The following MMP26 variants were observed in gnomAD, a reference collection of about 807,000 sequenced individuals.
The protein encoded by MMP26 is matrix metallopeptidase 26, also known as matrix metalloproteinase-26.
Under a neutral mutation model 31.0 loss-of-function variants are expected in MMP26, and 33 were observed. That is an observed-to-expected ratio of 1.06 (90% CI 0.81 to 1.42). The LOEUF (loss-of-function observed/expected upper bound fraction) is 1.42, where lower values mean the gene tolerates loss of function less well. Among genes scored for constraint, MMP26 ranks in the 40% most tolerant of loss-of-function variants. MMP26 has a pLI of 0.00. For missense variants in MMP26, 347 were observed against 316.1 expected (o/e 1.10, Z -0.74); for synonymous variants, 122 against 114.9 (o/e 1.06, Z -0.40).
At position 4,950,607 on chromosome 11, in the gene MMP26, T is replaced by C. The variant is rs1405779222; in HGVS notation, c.-144-37461T>C. Among the ~76,000 whole-genome samples, 2 of 122,320 alleles carry C rather than the reference T, an allele frequency of 1.6e-5. 1 individual carries two copies. Among genetic ancestry groups the C allele is most frequent in the African/African-American group, 5.5e-5 (2 of 36,362 alleles). The allele number at this position is 122,320 out of a possible 152,430, so 80.2% of individuals were successfully genotyped here. ...ATTATTTTATAACAATAGCACAGCA[T>C]GCTGAATATAGCTAATATTTGAGTC... On this transcript the variant is annotated intron_variant, in intron 2 of 7. Transcript: ENST00000380390.
chr11:4,768,241 C>A (rs950492854), intron 2 of MMP26, among the ~76,000 whole-genome samples: 3 of 152,192 alleles, frequency 2.0e-5, no homozygotes, highest in Non-Finnish European at 4.4e-5. Flanking sequence ...TCTCAAGTTC[C>A]CATTCCCTGT....
intron 2 of MMP26, among the ~76,000 whole-genome samples, chr11:4,893,359 A>T (rs1850656171): frequency 6.6e-6 from 1 of 152,172 alleles, no homozygotes; most frequent in Non-Finnish European, 1.5e-5. Context: ...GTCCAATAGG[A>T]GAAGACCACT....
chr11:4,725,779 G>A (rs1029764725), intron 1 of MMP26, among the ~76,000 whole-genome samples: 9 of 152,162 alleles, frequency 5.9e-5, no homozygotes, highest in African/African-American at 2.2e-4. Flanking sequence ...CTGAAGATCA[G>A]AAAAAGGGAG....
intron 2 of MMP26, chr11:4,876,577 T>C (rs142467026): frequency 5.2e-5 from 8 of 152,392 alleles, no homozygotes; most frequent in Middle Eastern, 3.4e-3. Flanking sequence ...TCAACCAAAC[T>C]ACTGAGAACC....
rs1846382659 is a variant in MMP26 at position 4,952,347 on chromosome 11, T to C, written c.-144-35721T>C. Among the ~76,000 whole-genome samples, 2 of 124,944 alleles carry C rather than the reference T, an allele frequency of 1.6e-5. 1 individual carries two copies. The highest frequency in any genetic ancestry group is 5.4e-5 in the African/African-American group (2 of 36,888). The allele number at this position is 124,944 out of a possible 152,430, so 82.0% of individuals were successfully genotyped here. On this transcript the variant is annotated intron_variant, in intron 2 of 7. Transcript: ENST00000380390. ...CTTGTTAGTGGAAATGAAGTCTTTA[T>C]ATTGAGCTGCCTATCCTCACCCTGA...
At chr11:4,775,776 G>GAGAGAGAGAGAGAGAGAT (rs1848784383) in intron 2 of MMP26, among the ~76,000 whole-genome samples, 2 of 151,936 alleles carry the variant, frequency 1.3e-5, no homozygotes, top group African/African-American at 4.8e-5. Flanking sequence ...GAGAGAAAGA[G>GAGAGAGAGAGAGAGAGAT]AGAGAGAGAG....
chr11:4,905,670 A>C, intron 2 of MMP26, among the ~76,000 whole-genome samples: 1 of 152,226 alleles, frequency 6.6e-6, no homozygotes, highest in Non-Finnish European at 1.5e-5. Context: ...TATTAATTTC[A>C]TAATTTTAAT....
chr11:4,777,190 A>G (rs1848801210), intron 2 of MMP26, among the ~76,000 whole-genome samples: 1 of 152,168 alleles, frequency 6.6e-6, no homozygotes, highest in South Asian at 2.1e-4. Context: ...AACCTCATTT[A>G]CTGAGCACCT....
rs747893658 is a variant in MMP26 at position 4,804,136 on chromosome 11, G to A, written c.-145+36795G>A. 6.2e-6 allele frequency: 10 copies of A among 1,614,164 alleles called. No individual in the cohort carries two copies. In the South Asian group the frequency reaches 8.8e-5, roughly 14 times the overall value. Reference sequence around the variant, plus strand: ...AAACCAGAATATGGCCAACATCTTAGGTTGAGTGGAGGAGGAGAGGACCAG... The same window carrying A: ...AAACCAGAATATGGCCAACATCTTAAGTTGAGTGGAGGAGGAGAGGACCAG... On this transcript the variant is annotated intron_variant, in intron 2 of 7. Coordinates refer to ENST00000380390, the MANE Select transcript of MMP26 (RefSeq NM_021801.5).
At chr11:4,987,917 G>C (rs1193576756) in intron 2 of MMP26, among the ~76,000 whole-genome samples, 151 bp from the exon 3 acceptor site, 1 of 152,020 alleles carries the variant, frequency 6.6e-6, no homozygotes, top group Non-Finnish European at 1.5e-5. Flanking sequence ...TTTAAAAAAT[G>C]ATGCCCCCTA....
chr11:4,708,130 G>A (rs1209319552), intron 1 of MMP26, among the ~76,000 whole-genome samples: 1 of 152,164 alleles, frequency 6.6e-6, no homozygotes, highest in Non-Finnish European at 1.5e-5. Flanking sequence ...GCAGAAGTAG[G>A]TACATGTCCC....
chr11:4,789,610 G>A (rs1479686398), intron 2 of MMP26, among the ~76,000 whole-genome samples: 1 of 123,644 alleles, frequency 8.1e-6, no homozygotes, highest in Non-Finnish European at 1.6e-5. Flanking sequence ...GCATGATCTC[G>A]GCTCACTGCA....
intron 2 of MMP26, among the ~76,000 whole-genome samples, chr11:4,889,409 G>C (rs1850586355): frequency 6.6e-6 from 1 of 152,124 alleles, no homozygotes; most frequent in South Asian, 2.1e-4. Flanking sequence ...GTTCAGTACA[G>C]ATGCAATCAA....
intron 1 of MMP26, among the ~76,000 whole-genome samples, chr11:4,749,058 A>G (rs1485352739): frequency 6.6e-6 from 1 of 152,060 alleles, no homozygotes; most frequent in Admixed American, 6.6e-5. Flanking sequence ...AGACTCCACC[A>G]AAAGACTCCT....
intron 2 of MMP26, among the ~76,000 whole-genome samples, chr11:4,814,244 A>C (rs1380790433): frequency 6.6e-6 from 1 of 152,208 alleles, no homozygotes; most frequent in South Asian, 2.1e-4. Flanking sequence ...TTTCACTTTT[A>C]GTTGCATACT....
At chr11:4,968,794 T>G (rs929093754) in intron 2 of MMP26, among the ~76,000 whole-genome samples, 3 of 152,028 alleles carry the variant, frequency 2.0e-5, no homozygotes, top group Non-Finnish European at 4.4e-5. Context: ...TTAGTCAACT[T>G]GACCACACAT....
intron 2 of MMP26, among the ~76,000 whole-genome samples, chr11:4,976,282 G>C (rs930782329): frequency 2.0e-5 from 3 of 151,974 alleles, no homozygotes; most frequent in Non-Finnish European, 4.4e-5. Context: ...GTTAAATAAG[G>C]TTATCATGTT....
chr11:4,815,663 T>C (rs1295385820), intron 2 of MMP26, among the ~76,000 whole-genome samples: 1 of 152,204 alleles, frequency 6.6e-6, no homozygotes, highest in African/African-American at 2.4e-5. Flanking sequence ...GAATATATGC[T>C]TCAGCAAGTG....
intron 1 of MMP26, among the ~76,000 whole-genome samples, chr11:4,733,504 CT>C (rs940230281): frequency 1.8e-4 from 27 of 152,042 alleles, no homozygotes; most frequent in African/African-American, 6.0e-4. Context: ...AATACAATTG[CT>C]TTTTTTATTT....
Sources: gnomAD v4.1 joint callset for allele counts (sites outside exome capture counted in the v4.1 genomes callset) on GRCh38, gnomAD v4.1.1 for gene constraint, MANE v1.5 for transcripts, NCBI Gene and HGNC (gene_info 2026-07-23, HGNC 2026-07-21) for gene names.